MECR: variants seen among roughly 807,000 people sequenced by gnomAD.
MECR encodes the protein enoyl-[acyl-carrier-protein] reductase, mitochondrial.
MECR carries 37 observed loss-of-function variants against 49.1 expected under a neutral mutation model. The ratio of observed to expected loss-of-function variants is 0.75; its 90% CI spans 0.58 to 0.99. The LOEUF (loss-of-function observed/expected upper bound fraction) is 0.99. MECR is among the 50% of genes least tolerant of loss of function. The pLI is 0.00. For synonymous variants in MECR, 198 were observed against 191.1 expected (o/e 1.04, Z -0.30); for missense variants, 470 against 479.6 (o/e 0.98, Z 0.19).
At chr1:29,200,943 G>A (rs1675174104) in intron 6 of MECR, among the ~76,000 whole-genome samples, 1 of 152,010 alleles carries the variant, frequency 6.6e-6, no homozygotes, top group South Asian at 2.1e-4. Context: ...TGAGTATCAT[G>A]ATGACCAGAT....
chr1:29,170,784 GAATTC>G, the MECR span: 1 of 152,056 alleles, frequency 6.6e-6, no homozygotes, highest in Non-Finnish European at 1.5e-5. Context: ...CCTGAAGGCT[GAATTC>G]AAACCTCCCT....
Position 29,223,290 on chromosome 1 carries a change from C to A in MECR, c.177-6605G>T, listed in dbSNP as rs573198477. ...GATGCCATATGAAGTACAAGGGAGACAAAAGCAGGCAGAAGAAAGAGCCTT... is the reference window on the plus strand; with the variant it reads ...GATGCCATATGAAGTACAAGGGAGAAAAAAGCAGGCAGAAGAAAGAGCCTT... On this transcript the variant is annotated intron_variant, in intron 1 of 9. Transcript: ENST00000263702. The A allele has an allele frequency of 2.7e-5, 27 of 985,330 alleles. No homozygotes were observed. In the South Asian group the frequency reaches 1.3e-3, roughly 46 times the overall value. The allele number at this position is 985,330 out of a possible 1,614,324, so 61.0% of individuals were successfully genotyped here.
At chr1:29,228,923 C>T (rs1259385162) in intron 1 of MECR, 2 of 152,180 alleles carry the variant, frequency 1.3e-5, no homozygotes, top group African/African-American at 2.4e-5. Flanking sequence ...ACTACAAGTC[C>T]GTGGGAGAGA....
the MECR span, among the ~76,000 whole-genome samples, chr1:29,175,694 C>CAAAAAA: frequency 1.4e-3 from 53 of 38,540 alleles, 3 homozygotes; most frequent in East Asian, 9.2e-3. Context: ...GACGCTGTCT[C>CAAAAAA]AAAAAAAAAA....
At chr1:29,228,601 C>A (rs1682693534) in intron 1 of MECR, among the ~76,000 whole-genome samples, 1 of 152,102 alleles carries the variant, frequency 6.6e-6, no homozygotes, top group Admixed American at 6.5e-5. Context: ...CAGGCATGAG[C>A]CATCGCGCCC....
intron 5 of MECR, 65 bp from the exon 6 acceptor site, chr1:29,202,110 C>G (rs139590890): frequency 4.1e-5 from 55 of 1,344,022 alleles, no homozygotes; most frequent in East Asian, 3.9e-4. Context: ...CCCCCAGGAC[C>G]TCTCTGCCAC....
At chr1:29,200,667 T>C in intron 6 of MECR, 78 bp from the exon 7 acceptor site, 2 of 1,254,354 alleles carry the variant, frequency 1.6e-6, no homozygotes, top group Admixed American at 3.5e-5. Context: ...AGTGCTGTGT[T>C]AAAAGGAGGG....
rs771857782 is a variant in MECR at position 29,200,520 on chromosome 1, A to G, written c.826T>C (p.Leu276=). ...GKSSTELLRQ[L]ARGGTMVTYG... ...CTGCAGGCCCAAGGGACTTACGCTA[A>G]CTGCCGCAGCAGCTCTGTGGAGCTT... is the stretch of plus-strand genomic sequence containing the variant. The change falls in exon 7 of 10, where the codon TTA becomes CTA. Residue 276 remains leucine (L), a synonymous_variant. Coordinates refer to ENST00000263702, the MANE Select transcript of MECR (RefSeq NM_016011.5). The G allele has an allele frequency of 2.5e-6, 4 of 1,613,078 alleles. No individual in the cohort carries two copies. Among genetic ancestry groups the G allele is most frequent in the Non-Finnish European group, 2.5e-6 (3 of 1,179,262 alleles).
the MECR span, among the ~76,000 whole-genome samples, chr1:29,168,099 T>TCTGA: frequency 6.7e-6 from 1 of 150,274 alleles, no homozygotes; most frequent in African/African-American, 2.5e-5. Flanking sequence ...CACTGCAACC[T>TCTGA]CTGACCCTGG....
the MECR span, among the ~76,000 whole-genome samples, chr1:29,179,846 C>T: frequency 6.6e-6 from 1 of 152,150 alleles, no homozygotes; most frequent in Admixed American, 6.6e-5. Flanking sequence ...TGCCTCCTCC[C>T]CCAATTCATT....
chr1:29,209,957 G>A (rs943336618), intron 3 of MECR, among the ~76,000 whole-genome samples: 6 of 152,110 alleles, frequency 3.9e-5, no homozygotes, highest in Admixed American at 1.3e-4. Context: ...TATAGGAAAC[G>A]GGGATGTCAA....
At chr1:29,195,263 G>T (rs868157507) in intron 9 of MECR, among the ~76,000 whole-genome samples, 13 of 152,260 alleles carry the variant, frequency 8.5e-5, no homozygotes, top group South Asian at 6.2e-4. Flanking sequence ...GCTCGGAACC[G>T]CTTCAGTGCC....
At chr1:29,205,459 C>T (rs1676341949) in intron 4 of MECR, among the ~76,000 whole-genome samples, 1 of 151,256 alleles carries the variant, frequency 6.6e-6, no homozygotes, top group African/African-American at 2.4e-5. Context: ...GCTGGGATTA[C>T]AGGCATGAGA....
intron 1 of MECR, among the ~76,000 whole-genome samples, chr1:29,226,952 C>CTTT (rs890320572): frequency 1.8e-3 from 175 of 99,698 alleles, no homozygotes; most frequent in Non-Finnish European, 2.7e-3. Flanking sequence ...TGGGAACTAT[C>CTTT]TTTTTTTTTT....
intron 7 of MECR, chr1:29,200,210 CT>C: frequency 4.5e-6 from 1 of 224,632 alleles, no homozygotes; most frequent in Non-Finnish European, 8.6e-6. Flanking sequence ...GACTAAGTGA[CT>C]TTTTCAGACA....
chr1:29,204,477 T>C (rs1417873977), intron 4 of MECR, among the ~76,000 whole-genome samples: 1 of 151,910 alleles, frequency 6.6e-6, no homozygotes. Context: ...AAAGTTAAAA[T>C]TGAGAAGAGA....
chr1:29,177,581 C>T, the MECR span, among the ~76,000 whole-genome samples: 1 of 152,046 alleles, frequency 6.6e-6, no homozygotes, highest in Non-Finnish European at 1.5e-5. Context: ...CGTGCCAGGC[C>T]CTTGCAGTGA....
At chr1:29,181,128 A>C in the MECR span, among the ~76,000 whole-genome samples, 1 of 152,230 alleles carries the variant, frequency 6.6e-6, no homozygotes, top group Non-Finnish European at 1.5e-5. Flanking sequence ...CTCCCGCCCA[A>C]AAAAGCGTGG....
At chr1:29,184,901 G>T in the MECR span, among the ~76,000 whole-genome samples, 1 of 152,158 alleles carries the variant, frequency 6.6e-6, no homozygotes, top group African/African-American at 2.4e-5. Flanking sequence ...GAGGTGGGTG[G>T]ATCACCTGAG....
Sources: allele counts gnomAD v4.1 joint callset (sites outside exome capture counted in the v4.1 genomes callset), GRCh38; gene constraint gnomAD v4.1.1; transcripts MANE v1.5; gene names NCBI Gene and HGNC (gene_info 2026-07-23, HGNC 2026-07-21).